Variants in DSCAML1 observed in about 807,000 individuals in gnomAD.
DSCAML1 encodes the protein cell adhesion molecule DSCAML1.
In DSCAML1, 38 loss-of-function variants were observed where a neutral mutation model predicts 200.5. The observed-to-expected ratio is 0.19, with a 90% CI of 0.15 to 0.25. DSCAML1 has a LOEUF of 0.25. Among genes scored for constraint, DSCAML1 ranks in the 10% least tolerant of loss-of-function variants. DSCAML1 has a pLI of 1.00. For missense variants in DSCAML1, 2,223 were observed against 2,858.8 expected, an observed-to-expected ratio of 0.78 and a Z score of 5.07; for synonymous variants, 1,215 against 1,165.0, an observed-to-expected ratio of 1.04 and a Z score of -0.87.
At chr11:117,734,151 C>T (rs111462461) in intron 3 of DSCAML1, among the ~76,000 whole-genome samples, 1,596 of 152,248 alleles carry the variant, frequency 0.01, 13 homozygotes, top group Middle Eastern at 0.031. Flanking sequence ...GGGGACTGTC[C>T]GGGGAAGTCA....
intron 11 of DSCAML1, among the ~76,000 whole-genome samples, chr11:117,497,454 C>A (rs1193935420): frequency 1.3e-5 from 2 of 152,148 alleles, no homozygotes; most frequent in African/African-American, 4.8e-5. Context: ...GGGAGCCTGG[C>A]CTGATGAGAG....
intron 24 of DSCAML1, 40 bp from the exon 25 acceptor site, chr11:117,438,123 G>A: frequency 6.4e-7 from 1 of 1,562,230 alleles, no homozygotes; most frequent in Admixed American, 1.8e-5. Flanking sequence ...GGCAGGGCAG[G>A]GCAAGGCAGC....
At chr11:117,723,227 A>G (rs1167516888) in intron 3 of DSCAML1, among the ~76,000 whole-genome samples, 1 of 152,250 alleles carries the variant, frequency 6.6e-6, no homozygotes, top group Non-Finnish European at 1.5e-5. Context: ...TAGGTCATTC[A>G]CAGATTTTAT....
intron 3 of DSCAML1, among the ~76,000 whole-genome samples, chr11:117,609,608 T>C (rs1414742356): frequency 6.6e-6 from 1 of 152,188 alleles, no homozygotes; most frequent in Admixed American, 6.5e-5. Context: ...TGCCCAACCA[T>C]GCTGATTTTT....
At chr11:117,626,964 G>C (rs1456029909) in intron 3 of DSCAML1, among the ~76,000 whole-genome samples, 3 of 152,178 alleles carry the variant, frequency 2.0e-5, no homozygotes, top group Non-Finnish European at 4.4e-5. Flanking sequence ...AATCAGCCAG[G>C]CCTGAGTTCT....
At chr11:117,461,210 C>G (rs563497804) in intron 18 of DSCAML1, among the ~76,000 whole-genome samples, 1 of 151,854 alleles carries the variant, frequency 6.6e-6, no homozygotes, top group African/African-American at 2.4e-5. Flanking sequence ...CCACCTTGCT[C>G]CTGGCTCTGA....
chr11:117,575,477 T>C (rs1271205346), intron 3 of DSCAML1, among the ~76,000 whole-genome samples: 1 of 152,206 alleles, frequency 6.6e-6, no homozygotes, highest in East Asian at 1.9e-4. Context: ...CCTTGAGGCT[T>C]CTGATTCAGT....
chr11:117,812,081 G>A (rs2055766109), intron 1 of DSCAML1, among the ~76,000 whole-genome samples: 1 of 151,906 alleles, frequency 6.6e-6, no homozygotes, highest in Admixed American at 6.6e-5. Context: ...ACTATTCCTG[G>A]ATTACAGCTG....
At chr11:117,541,091 A>G (rs1322179084) in intron 3 of DSCAML1, among the ~76,000 whole-genome samples, 1 of 152,228 alleles carries the variant, frequency 6.6e-6, no homozygotes, top group Non-Finnish European at 1.5e-5. Context: ...GGGATTTTAA[A>G]ATGCGTGTGT....
chr11:117,715,616 G>A (rs543010953), intron 3 of DSCAML1, among the ~76,000 whole-genome samples: 7 of 152,258 alleles, frequency 4.6e-5, no homozygotes, highest in Admixed American at 2.6e-4. Flanking sequence ...CCCTGTGCCT[G>A]GCACAGGGCC....
intron 3 of DSCAML1, among the ~76,000 whole-genome samples, chr11:117,592,127 C>T (rs1163919294): frequency 6.6e-6 from 1 of 152,112 alleles, no homozygotes; most frequent in Non-Finnish European, 1.5e-5. Context: ...GGCAGGGGCC[C>T]TAGGACACTT....
chr11:117,432,682 C>T lies in DSCAML1; in HGVS notation c.5027-178G>A, dbSNP rs1364841937. 3.9e-5 allele frequency among the ~76,000 whole-genome samples: 6 copies of T among 151,976 alleles called. No homozygotes were observed. The East Asian group carries it at 5.8e-4, about 15-fold the overall frequency. On this transcript the variant is annotated intron_variant, in intron 29 of 32. Coordinates refer to ENST00000651296, the MANE Select transcript of DSCAML1 (RefSeq NM_020693.4). ...CCCAGGCTTAATTGTGATCACTGCT[C>T]ACTGCAGCCGCCTCAATCTCCTGGG...
intron 3 of DSCAML1, among the ~76,000 whole-genome samples, chr11:117,725,819 A>G (rs2054117787): frequency 6.7e-6 from 1 of 150,300 alleles, no homozygotes; most frequent in African/African-American, 2.5e-5. Flanking sequence ...AAAACAAAAC[A>G]AAACAAAACA....
intron 3 of DSCAML1, among the ~76,000 whole-genome samples, chr11:117,683,976 T>G (rs192504680): frequency 4.6e-5 from 7 of 152,320 alleles, no homozygotes; most frequent in African/African-American, 1.7e-4. Context: ...GATATATGTG[T>G]GCTGTTGTCA....
Position 117,769,324 on chromosome 11 carries a change from TTA to T in DSCAML1, c.511+7465_511+7466del, listed in dbSNP as rs1177213349. ...TATATATTTTTATATAATATATATT[TTA>T]TATATATAATATATATTTTATATAT... is the stretch of plus-strand genomic sequence containing the variant. On this transcript the variant is annotated intron_variant, in intron 3 of 32. Transcript: ENST00000651296. Among the ~76,000 whole-genome samples, 3 of 15,598 alleles carry T rather than the reference TTA, an allele frequency of 1.9e-4. 1 individual carries two copies. Among genetic ancestry groups the T allele is most frequent in the African/African-American group, 2.9e-4 (2 of 7,016 alleles). 10.2% of individuals were successfully genotyped at this position (15,598 alleles called of 152,430 possible).
intron 3 of DSCAML1, among the ~76,000 whole-genome samples, chr11:117,644,715 A>AC (rs760366630): frequency 9.9e-5 from 15 of 150,838 alleles, no homozygotes; most frequent in South Asian, 8.5e-4. Flanking sequence ...AGGGCAGGGG[A>AC]CCCCCCCTCT....
At chr11:117,525,141 T>C in intron 4 of DSCAML1, 58 bp from the exon 5 acceptor site, 2 of 1,469,086 alleles carry the variant, frequency 1.4e-6, no homozygotes, top group Non-Finnish European at 1.8e-6. Context: ...GAAGTGGCGC[T>C]GGGGGAGGGA....
At chr11:117,442,076 T>C (rs1193384141) in intron 21 of DSCAML1, among the ~76,000 whole-genome samples, 2 of 150,278 alleles carry the variant, frequency 1.3e-5, no homozygotes, top group Non-Finnish European at 3.0e-5. Context: ...AGATGCGTGT[T>C]TGTGCACATG....
At chr11:117,484,888 TGTGTGTGTGTGTG>T (rs1470727318) in intron 11 of DSCAML1, among the ~76,000 whole-genome samples, 1 of 5,404 alleles carries the variant, frequency 1.9e-4, no homozygotes, top group Non-Finnish European at 3.1e-4. Flanking sequence ...AGAGGAACAG[TGTGTGTGTGTGTG>T]TGTGTGTGTG....
Sources: allele counts gnomAD v4.1 joint callset (sites outside exome capture counted in the v4.1 genomes callset), GRCh38; gene constraint gnomAD v4.1.1; transcripts MANE v1.5; gene names NCBI Gene and HGNC (gene_info 2026-07-23, HGNC 2026-07-21).